PATJ: variants seen among roughly 807,000 people sequenced by gnomAD.
The protein encoded by PATJ is PATJ crumbs cell polarity complex component, also known as inaD-like protein.
PATJ carries 190 observed loss-of-function variants against 224.9 expected under a neutral mutation model. The observed-to-expected ratio is 0.84, with a 90% CI of 0.75 to 0.95. The LOEUF is 0.95. Among genes scored for constraint, PATJ ranks in the 40% least tolerant of loss-of-function variants. The pLI is 0.00. For missense variants in PATJ, 2,121 were observed against 2,270.3 expected, an observed-to-expected ratio of 0.93 and a Z score of 1.34; for synonymous variants, 769 against 820.3, an observed-to-expected ratio of 0.94 and a Z score of 1.07.
At position 61,791,403 on chromosome 1, in the gene PATJ, G is replaced by C; in HGVS notation, c.1124G>C (p.Ser375Thr). Reference sequence around the variant, plus strand: ...GAGCTTGTGAGAAAAGATGGGCAGAGTCTTGGAATTAGAATTGTTGGCTAT... The same window carrying C: ...GAGCTTGTGAGAAAAGATGGGCAGACTCTTGGAATTAGAATTGTTGGCTAT... ...NVELVRKDGQ[S>T]LGIRIVGYVG... is the part of the protein sequence containing the mutation. Residue 375 changes from serine to threonine, a missense_variant, in exon 9 of 44, where the codon AGT becomes ACT. Physicochemically the swap from Ser to Thr is moderately conservative, Grantham distance 58. Transcript: ENST00000642238. 1 of 1,612,202 alleles carries C rather than the reference G, an allele frequency of 6.2e-7. No individual in the cohort carries two copies. The highest frequency in any genetic ancestry group is 8.5e-7 in the Non-Finnish European group (1 of 1,178,426).
chr1:62,105,443 T>TTTGAAA (rs1350533837), intron 33 of PATJ, among the ~76,000 whole-genome samples: 1 of 152,178 alleles, frequency 6.6e-6, no homozygotes, highest in Non-Finnish European at 1.5e-5. Context: ...TACAGGGTGC[T>TTTGAAA]ACCAGGAGTC....
chr1:61,815,863 C>G (rs77492900), intron 14 of PATJ, among the ~76,000 whole-genome samples: 3 of 152,092 alleles, frequency 2.0e-5, no homozygotes, highest in Non-Finnish European at 4.4e-5. Context: ...ACAGTTTTCC[C>G]GCATCTAGGG....
intron 31 of PATJ, among the ~76,000 whole-genome samples, chr1:62,075,875 G>A (rs976158787): frequency 4.0e-5 from 6 of 149,358 alleles, no homozygotes; most frequent in East Asian, 2.0e-4. Context: ...CAGAGATCGC[G>A]CCACTGCACT....
chr1:61,784,076 G>A (rs947795384), intron 7 of PATJ, among the ~76,000 whole-genome samples: 1 of 152,170 alleles, frequency 6.6e-6, no homozygotes, highest in African/African-American at 2.4e-5. Context: ...TACATTCACT[G>A]TAAGTGTGTG....
chr1:61,810,194 T>A (rs539258076), intron 14 of PATJ, among the ~76,000 whole-genome samples: 1 of 152,220 alleles, frequency 6.6e-6, no homozygotes, highest in South Asian at 2.1e-4. Flanking sequence ...TTTCTTCCCT[T>A]CCCAGTTTAC....
chr1:61,872,356 G>C (rs1170606763), intron 20 of PATJ, among the ~76,000 whole-genome samples: 1 of 152,122 alleles, frequency 6.6e-6, no homozygotes, highest in Non-Finnish European at 1.5e-5. Flanking sequence ...AAATCACCTG[G>C]TGACCATGAA....
intron 1 of PATJ, among the ~76,000 whole-genome samples, chr1:61,749,195 CA>C (rs1362813982): frequency 1.3e-5 from 2 of 150,360 alleles, no homozygotes; most frequent in African/African-American, 4.9e-5. Flanking sequence ...TTATTAGAGA[CA>C]GGGGTTTCAC....
intron 33 of PATJ, among the ~76,000 whole-genome samples, chr1:62,104,362 C>G (rs1288129716): frequency 1.3e-5 from 2 of 152,090 alleles, no homozygotes; most frequent in African/African-American, 4.8e-5. Context: ...CTTTTTTACT[C>G]TTCTGTTCCA....
intron 31 of PATJ, among the ~76,000 whole-genome samples, chr1:62,057,732 G>C (rs1233968049): frequency 6.6e-6 from 1 of 152,188 alleles, no homozygotes; most frequent in Non-Finnish European, 1.5e-5. Flanking sequence ...CCTTGTGTCT[G>C]TAAGTGTTCT....
intron 27 of PATJ, among the ~76,000 whole-genome samples, chr1:61,940,861 G>A (rs1557910619): frequency 2.6e-5 from 4 of 152,036 alleles, no homozygotes; most frequent in Non-Finnish European, 5.9e-5. Context: ...AATAGGACCG[G>A]TACTTTATTA....
chr1:61,974,666 G>A (rs1238426961), intron 27 of PATJ, among the ~76,000 whole-genome samples: 1 of 151,770 alleles, frequency 6.6e-6, no homozygotes, highest in Non-Finnish European at 1.5e-5. Flanking sequence ...CAGGAAGCCT[G>A]TACTTCTTTC....
intron 41 of PATJ, among the ~76,000 whole-genome samples, chr1:62,129,252 A>G (rs1266684801): frequency 1.3e-5 from 2 of 152,188 alleles, no homozygotes; most frequent in Non-Finnish European, 2.9e-5. Context: ...GGAATAAGAA[A>G]TGATTTCTTT....
intron 28 of PATJ, among the ~76,000 whole-genome samples, chr1:62,011,677 G>A (rs771627536): frequency 6.6e-6 from 1 of 150,884 alleles, no homozygotes; most frequent in East Asian, 1.9e-4. Context: ...AATGGTGCCA[G>A]TAGACTTGCT....
At chr1:62,041,796 C>A (rs1025480946) in intron 30 of PATJ, among the ~76,000 whole-genome samples, 2 of 151,824 alleles carry the variant, frequency 1.3e-5, no homozygotes, top group Non-Finnish European at 2.9e-5. Flanking sequence ...TTTGGGAGGC[C>A]GAGGCGGGTG....
chr1:61,874,068 G>A (rs1667024997), intron 20 of PATJ, among the ~76,000 whole-genome samples: 1 of 152,132 alleles, frequency 6.6e-6, no homozygotes, highest in Non-Finnish European at 1.5e-5. Context: ...GAGTTAAGGA[G>A]CAAAAATTCT....
At chr1:61,817,749 C>G (rs894991656) in intron 14 of PATJ, among the ~76,000 whole-genome samples, 3 of 152,112 alleles carry the variant, frequency 2.0e-5, no homozygotes, top group Non-Finnish European at 2.9e-5. Context: ...TTTGTATAAC[C>G]TCTGAGGGGG....
In PATJ at chr1:62,117,757, A is replaced by T. The variant is rs940245605; in HGVS notation, c.4890+539A>T. Among the ~76,000 whole-genome samples, 50 of 151,076 alleles carry T rather than the reference A, an allele frequency of 3.3e-4. No homozygotes were observed. In the East Asian group the frequency reaches 8.8e-3, roughly 26 times the overall value. On this transcript the variant is annotated intron_variant, in intron 37 of 43. Coordinates refer to ENST00000642238, the MANE Select transcript of PATJ (RefSeq NM_001350145.3). ...TATTTGCAAAGCTGATGTAAGTGCC[A>T]TTTTTTTTTAGCAAAGTATATTTCA...
intron 32 of PATJ, among the ~76,000 whole-genome samples, chr1:62,080,782 CTTCATAAAG>C (rs113176396): frequency 0.14 from 20,543 of 152,028 alleles, 1,746 homozygotes; most frequent in South Asian, 0.3. Flanking sequence ...TAAATATTAA[CTTCATAAAG>C]TTCATCAAGC....
intron 28 of PATJ, among the ~76,000 whole-genome samples, chr1:62,002,489 T>C (rs951382601): frequency 3.3e-5 from 5 of 152,028 alleles, no homozygotes; most frequent in Non-Finnish European, 7.4e-5. Context: ...GGTGGATCAT[T>C]TGAGGTCAGG....
Sources: allele counts gnomAD v4.1 joint callset (sites outside exome capture counted in the v4.1 genomes callset), GRCh38; gene constraint gnomAD v4.1.1; transcripts MANE v1.5; gene names NCBI Gene and HGNC (gene_info 2026-07-23, HGNC 2026-07-21).